The following TBC1D5 variants were observed in gnomAD, a reference collection of about 807,000 sequenced individuals.
TBC1D5 encodes the protein TBC1 domain family, member 5.
In TBC1D5, 75 loss-of-function variants were observed where a neutral mutation model predicts 100.3. The ratio of observed to expected loss-of-function variants is 0.75; its 90% CI spans 0.62 to 0.91. The LOEUF is 0.91. Among genes scored for constraint, TBC1D5 ranks in the 40% least tolerant of loss-of-function variants. TBC1D5 has a pLI of 0.00. For synonymous variants in TBC1D5, 323 were observed against 325.6 expected, an observed-to-expected ratio of 0.99 and a Z score of 0.09; for missense variants, 910 against 942.4, an observed-to-expected ratio of 0.97 and a Z score of 0.45.
intron 1 of TBC1D5, among the ~76,000 whole-genome samples, chr3:17,725,366 T>C (rs2076035943): frequency 6.6e-6 from 1 of 152,172 alleles, no homozygotes; most frequent in African/African-American, 2.4e-5. Flanking sequence ...CCAGTTGTTA[T>C]AACTACTTAG....
At chr3:17,485,532 C>G (rs951376086) in intron 3 of TBC1D5, among the ~76,000 whole-genome samples, 2 of 145,252 alleles carry the variant, frequency 1.4e-5, no homozygotes, top group Non-Finnish European at 3.0e-5. Flanking sequence ...TGATGTTCCC[C>G]TTCCTGTGTC....
chr3:17,729,871 G>A (rs888883951), intron 1 of TBC1D5, among the ~76,000 whole-genome samples: 1 of 152,180 alleles, frequency 6.6e-6, no homozygotes, highest in African/African-American at 2.4e-5. Context: ...CACTTTGGGA[G>A]GCCAAGGCGG....
chr3:17,179,831 G>T (rs185844382), intron 19 of TBC1D5, among the ~76,000 whole-genome samples: 162 of 152,318 alleles, frequency 1.1e-3, no homozygotes, highest in Non-Finnish European at 1.7e-3. Context: ...GGAAACCAAG[G>T]TGTCCAAATA....
chr3:17,471,581 G>GTACATGTACACAC (rs1553772836), intron 3 of TBC1D5, among the ~76,000 whole-genome samples: 4 of 124,920 alleles, frequency 3.2e-5, no homozygotes, highest in African/African-American at 1.7e-4. Flanking sequence ...ATAGGCAGGA[G>GTACATGTACACAC]AATGGCGTGA....
At chr3:17,525,071 A>G (rs2096115020) in intron 2 of TBC1D5, among the ~76,000 whole-genome samples, 1 of 152,238 alleles carries the variant, frequency 6.6e-6, no homozygotes, top group Non-Finnish European at 1.5e-5. Flanking sequence ...AGAAACCAAC[A>G]AAGCATGAGG....
upstream of TBC1D5, among the ~76,000 whole-genome samples, chr3:17,741,364 A>G (rs1054008998): frequency 1.3e-5 from 2 of 152,264 alleles, no homozygotes; most frequent in African/African-American, 2.4e-5. Context: ...GAATCAGAAA[A>G]GCCCAAAGAG....
At chr3:17,553,761 T>A (rs2096492912) in intron 2 of TBC1D5, among the ~76,000 whole-genome samples, 1 of 152,228 alleles carries the variant, frequency 6.6e-6, no homozygotes. Flanking sequence ...TGTATCATGT[T>A]AACAATTCTA....
intron 3 of TBC1D5, among the ~76,000 whole-genome samples, chr3:17,473,520 A>G (rs774377864): frequency 3.9e-5 from 6 of 152,254 alleles, no homozygotes. Flanking sequence ...ATAAACACGT[A>G]AAGTATAAAA....
At chr3:17,571,122 A>G (rs1019731716) in intron 2 of TBC1D5, among the ~76,000 whole-genome samples, 2 of 151,918 alleles carry the variant, frequency 1.3e-5, no homozygotes, top group African/African-American at 2.4e-5. Context: ...ACATAAAAAA[A>G]CAAAATCCTA....
intron 2 of TBC1D5, among the ~76,000 whole-genome samples, chr3:17,511,951 A>G (rs1184600499): frequency 6.6e-6 from 1 of 152,052 alleles, no homozygotes; most frequent in Admixed American, 6.6e-5. Flanking sequence ...TCTTTTAATT[A>G]TGGATTTAAA....
intron 1 of TBC1D5, among the ~76,000 whole-genome samples, chr3:17,688,747 G>A (rs572443401): frequency 1.8e-4 from 28 of 152,226 alleles, no homozygotes; most frequent in East Asian, 5.8e-4. Context: ...AATGTACCCC[G>A]ACATATTGAT....
intron 1 of TBC1D5, among the ~76,000 whole-genome samples, chr3:17,639,567 C>T (rs1051022421): frequency 1.3e-5 from 2 of 151,794 alleles, no homozygotes; most frequent in South Asian, 4.2e-4. Flanking sequence ...TAACTTTTTG[C>T]GTGTAAATTT....
intron 19 of TBC1D5, among the ~76,000 whole-genome samples, chr3:17,173,715 C>A (rs1219222051): frequency 4.6e-5 from 7 of 152,148 alleles, no homozygotes; most frequent in African/African-American, 2.4e-5. Context: ...GCTTTCTCAT[C>A]TCTGATAGGA....
chr3:17,620,832 G>C (rs562032065), intron 2 of TBC1D5, among the ~76,000 whole-genome samples: 1 of 152,140 alleles, frequency 6.6e-6, no homozygotes, highest in East Asian at 1.9e-4. Context: ...ACTAATACAA[G>C]TGAACTATAT....
At chr3:17,362,527 A>G (rs2091814308) in intron 13 of TBC1D5, among the ~76,000 whole-genome samples, 1 of 151,924 alleles carries the variant, frequency 6.6e-6, no homozygotes, top group Non-Finnish European at 1.5e-5. Flanking sequence ...GCTGGAGTAC[A>G]GTGGCACCAT....
intron 15 of TBC1D5, among the ~76,000 whole-genome samples, chr3:17,281,264 G>C (rs1378108552): frequency 6.6e-6 from 1 of 152,214 alleles, no homozygotes; most frequent in East Asian, 1.9e-4. Flanking sequence ...AATAAAAATA[G>C]TATTTTAGAG....
intron 13 of TBC1D5, among the ~76,000 whole-genome samples, chr3:17,342,706 A>G (rs776544203): frequency 5.9e-5 from 9 of 152,310 alleles, no homozygotes; most frequent in Non-Finnish European, 1.2e-4. Flanking sequence ...TTGCCCAGAA[A>G]TTATTTTGGA....
chr3:17,576,988 T>C (rs2153522480), intron 2 of TBC1D5, among the ~76,000 whole-genome samples: 1 of 152,114 alleles, frequency 6.6e-6, no homozygotes, highest in East Asian at 1.9e-4. Flanking sequence ...CTGAACAAAT[T>C]TTCATTTGAA....
intron 2 of TBC1D5, among the ~76,000 whole-genome samples, chr3:17,618,427 T>A (rs1364567680): frequency 6.6e-6 from 1 of 152,220 alleles, no homozygotes; most frequent in Non-Finnish European, 1.5e-5. Flanking sequence ...ACCACTGCTC[T>A]CTTCAGAGCT....
Sources: gnomAD v4.1 joint callset for allele counts (sites outside exome capture counted in the v4.1 genomes callset) on GRCh38, gnomAD v4.1.1 for gene constraint, MANE v1.5 for transcripts, NCBI Gene and HGNC (gene_info 2026-07-23, HGNC 2026-07-21) for gene names.